BMPR1B: variants seen among roughly 807,000 people sequenced by gnomAD.
BMPR1B encodes bone morphogenetic protein receptor type-1B.
Under a neutral mutation model 59.1 loss-of-function variants are expected in BMPR1B, and 12 were observed. The ratio of observed to expected loss-of-function variants is 0.20; its 90% confidence interval spans 0.13 to 0.33. The LOEUF is 0.33. BMPR1B is among the 10% of genes least tolerant of loss of function. BMPR1B has a pLI of 1.00. For missense variants in BMPR1B, 550 were observed against 610.9 expected (o/e 0.90, Z 1.05); for synonymous variants, 237 against 207.3 (o/e 1.14, Z -1.23).
At chr4:94,807,829 C>T (rs4504261) in intron 1 of BMPR1B, among the ~76,000 whole-genome samples, 110,670 of 151,892 alleles carry the variant, frequency 0.73, 40,414 homozygotes, top group Middle Eastern at 0.84. Flanking sequence ...GGATTACAGG[C>T]GCCTGCCACC....
At chr4:94,923,496 A>G (rs1381678637) in intron 2 of BMPR1B, among the ~76,000 whole-genome samples, 1 of 152,176 alleles carries the variant, frequency 6.6e-6, no homozygotes, top group Non-Finnish European at 1.5e-5. Context: ...AATGACTAGC[A>G]GTAGATATGC....
At chr4:94,853,532 A>G (rs1355040080) in intron 1 of BMPR1B, among the ~76,000 whole-genome samples, 2 of 152,184 alleles carry the variant, frequency 1.3e-5, no homozygotes, top group African/African-American at 4.8e-5. Context: ...CTTTAATGTA[A>G]TGAATGATAC....
intron 3 of BMPR1B, among the ~76,000 whole-genome samples, chr4:94,999,209 A>G (rs1443492131): frequency 6.6e-6 from 1 of 152,100 alleles, no homozygotes; most frequent in Non-Finnish European, 1.5e-5. Flanking sequence ...ATGCTTCCCC[A>G]AGACCTAGCA....
At chr4:94,880,944 T>A (rs1726942625) in intron 2 of BMPR1B, among the ~76,000 whole-genome samples, 1 of 152,166 alleles carries the variant, frequency 6.6e-6, no homozygotes, top group Non-Finnish European at 1.5e-5. Flanking sequence ...CCCTAAAATA[T>A]TTTAATCAAC....
At chr4:95,029,738 A>C (rs540216547) in intron 3 of BMPR1B, among the ~76,000 whole-genome samples, 11 of 152,240 alleles carry the variant, frequency 7.2e-5, no homozygotes, top group Middle Eastern at 3.4e-3. Flanking sequence ...CCAACAGTGT[A>C]AAAGTGTTCC....
chr4:94,905,870 A>G (rs1265125540), intron 2 of BMPR1B, among the ~76,000 whole-genome samples: 1 of 149,680 alleles, frequency 6.7e-6, no homozygotes, highest in Non-Finnish European at 1.5e-5. Flanking sequence ...GAGAACAGTG[A>G]TGTATTTTAA....
chr4:94,906,048 G>A (rs1238959102), intron 2 of BMPR1B, among the ~76,000 whole-genome samples: 2 of 151,578 alleles, frequency 1.3e-5, no homozygotes, highest in Non-Finnish European at 2.9e-5. Context: ...GGTTTGTTCT[G>A]TTTTTGTCAA....
At chr4:95,000,952 G>A (rs900133993) in intron 3 of BMPR1B, among the ~76,000 whole-genome samples, 10 of 152,114 alleles carry the variant, frequency 6.6e-5, no homozygotes, top group Non-Finnish European at 7.4e-5. Context: ...TTATGGAAGT[G>A]GGACTTGAAA....
chr4:95,066,134 A>G (rs1421234933), intron 3 of BMPR1B, among the ~76,000 whole-genome samples: 1 of 152,210 alleles, frequency 6.6e-6, no homozygotes, highest in Non-Finnish European at 1.5e-5. Context: ...ACAGAATAAA[A>G]GATTCTCTTG....
At chr4:95,127,228 A>C (rs1394517267) in intron 8 of BMPR1B, among the ~76,000 whole-genome samples, 1 of 152,178 alleles carries the variant, frequency 6.6e-6, no homozygotes, top group Non-Finnish European at 1.5e-5. Context: ...CAATCAATCT[A>C]AAAAGTTGGT....
chr4:94,822,809 C>T (rs1560501239), intron 1 of BMPR1B, among the ~76,000 whole-genome samples: 1 of 152,130 alleles, frequency 6.6e-6, no homozygotes, highest in Admixed American at 6.5e-5. Flanking sequence ...TCTGAAATAG[C>T]AAGGTTACCT....
At chr4:94,805,863 G>A (rs1290342484) in intron 1 of BMPR1B, among the ~76,000 whole-genome samples, 2 of 152,040 alleles carry the variant, frequency 1.3e-5, no homozygotes, top group East Asian at 1.9e-4. Flanking sequence ...CAGCTGAAAA[G>A]TTATATATAG....
chr4:94,981,929 T>A (rs1721108790), intron 2 of BMPR1B, among the ~76,000 whole-genome samples: 1 of 152,196 alleles, frequency 6.6e-6, no homozygotes, highest in South Asian at 2.1e-4. Context: ...ATATGCCCTT[T>A]CAGCAGATAG....
chr4:95,147,282 G>A (rs1272253194), intron 10 of BMPR1B, among the ~76,000 whole-genome samples: 1 of 152,060 alleles, frequency 6.6e-6, no homozygotes, highest in Non-Finnish European at 1.5e-5. Context: ...TGCATTTTAT[G>A]TTTTAGTAAA....
intron 3 of BMPR1B, among the ~76,000 whole-genome samples, chr4:95,032,769 A>G (rs1319102996): frequency 6.6e-6 from 1 of 152,104 alleles, no homozygotes; most frequent in Non-Finnish European, 1.5e-5. Flanking sequence ...CTTTTCATCC[A>G]TTGATGGACA....
chr4:94,988,500 T>G (rs1315762573), intron 2 of BMPR1B, among the ~76,000 whole-genome samples: 1 of 152,226 alleles, frequency 6.6e-6, no homozygotes, highest in Non-Finnish European at 1.5e-5. Flanking sequence ...TGCTTTAGTT[T>G]AGTTTGCCAT....
intron 3 of BMPR1B, among the ~76,000 whole-genome samples, chr4:95,087,940 T>A (rs1729709819): frequency 6.6e-6 from 1 of 152,108 alleles, no homozygotes; most frequent in Non-Finnish European, 1.5e-5. Flanking sequence ...TAAATTTACT[T>A]TGAACTTCAA....
At chr4:95,100,958 C>A (rs1730777663) in intron 3 of BMPR1B, among the ~76,000 whole-genome samples, 1 of 151,814 alleles carries the variant, frequency 6.6e-6, no homozygotes, top group African/African-American at 2.4e-5. Context: ...TTGTTTTATT[C>A]TCAGTCTTTG....
rs199574448 is a variant in BMPR1B, at chr4:94,962,072, T to TTTCCTTCCTTCCTTCCTTCCTTCC, written c.-112-33940_-112-33917dup. On this transcript the variant is annotated intron_variant, in intron 2 of 12. Transcript: ENST00000515059. ...TTCTTTCTTTCTTTTCTTTCTTTTC[T>TTTCCTTCCTTCCTTCCTTCCTTCC]TTCCTTCCTTCCTTCCTTCCTTCCT... Among the ~76,000 whole-genome samples the TTTCCTTCCTTCCTTCCTTCCTTCC allele has an allele frequency of 2.0e-3, 241 of 117,952 alleles. 1 individual carries two copies. The highest frequency in any genetic ancestry group is 7.5e-3 in the African/African-American group (212 of 28,288). 77.4% of individuals were successfully genotyped at this position (117,952 alleles called of 152,430 possible).
Sources: gnomAD v4.1 joint callset for allele counts (sites outside exome capture counted in the v4.1 genomes callset) on GRCh38, gnomAD v4.1.1 for gene constraint, MANE v1.5 for transcripts, NCBI Gene and HGNC (gene_info 2026-07-23, HGNC 2026-07-21) for gene names.